Variants in LRFN5 observed in about 807,000 individuals in gnomAD.
LRFN5 encodes leucine rich repeat and fibronectin type III domain containing 5.
LRFN5 carries 24 observed loss-of-function variants against 45.6 expected under a neutral mutation model. That is an observed-to-expected ratio of 0.53 (90% CI 0.38 to 0.74). The LOEUF (loss-of-function observed/expected upper bound fraction) is 0.74, where lower values mean the gene tolerates loss of function less well. LRFN5 is among the 30% of genes least tolerant of loss of function. LRFN5 has a pLI of 0.00. For synonymous variants in LRFN5, 340 were observed against 313.8 expected (o/e 1.08, Z -0.88); for missense variants, 776 against 861.5 (o/e 0.90, Z 1.24).
rs143727097 is a variant in LRFN5 at position 41,783,821 on chromosome 14, C to A, written c.-21+16792C>A. 2.7e-3 allele frequency among the ~76,000 whole-genome samples: 410 copies of A among 152,054 alleles called. 5 individuals are homozygous for A. The highest frequency in any genetic ancestry group is 9.6e-3 in the African/African-American group (399 of 41,494). On this transcript the variant is annotated intron_variant, in intron 2 of 5. Transcript: ENST00000298119. ...TATCATGTATTACTCTGAAGATTAG[C>A]GTTTTAGTTTCATAATGGTGATTTT...
At chr14:41,689,863 T>C (rs1308573767) in intron 1 of LRFN5, among the ~76,000 whole-genome samples, 1 of 126,122 alleles carries the variant, frequency 7.9e-6, no homozygotes, top group Non-Finnish European at 1.6e-5. Flanking sequence ...CCACTGCACT[T>C]CCACCTGGGC....
At chr14:41,888,959 A>G (rs1890676532) in intron 3 of LRFN5, among the ~76,000 whole-genome samples, 1 of 151,324 alleles carries the variant, frequency 6.6e-6, no homozygotes, top group South Asian at 2.1e-4. Flanking sequence ...TTTTATATAT[A>G]TATATACACA....
At chr14:41,878,532 T>A (rs1048820756) in intron 2 of LRFN5, among the ~76,000 whole-genome samples, 5 of 152,172 alleles carry the variant, frequency 3.3e-5, no homozygotes, top group African/African-American at 1.2e-4. Flanking sequence ...GATGTAGTAA[T>A]GGAAAATCAT....
intron 1 of LRFN5, among the ~76,000 whole-genome samples, chr14:41,742,249 A>T (rs1197860267): frequency 2.0e-5 from 3 of 151,666 alleles, no homozygotes; most frequent in Non-Finnish European, 4.4e-5. Flanking sequence ...AGTAGCCAAG[A>T]TATAGAAGCA....
intron 3 of LRFN5, among the ~76,000 whole-genome samples, chr14:41,890,138 A>G (rs572804697): frequency 6.6e-6 from 1 of 151,956 alleles, no homozygotes; most frequent in African/African-American, 2.4e-5. Context: ...TGCTGGGATT[A>G]CAGGCATGAG....
chr14:41,717,866 G>A (rs927956168), intron 1 of LRFN5, among the ~76,000 whole-genome samples: 13 of 152,172 alleles, frequency 8.5e-5, no homozygotes, highest in Admixed American at 7.9e-4. Flanking sequence ...TTTAGAAAAG[G>A]GTGGTAGGCC....
chr14:41,636,551 A>G (rs933625994), intron 1 of LRFN5, among the ~76,000 whole-genome samples: 1 of 151,998 alleles, frequency 6.6e-6, no homozygotes, highest in Admixed American at 6.6e-5. Flanking sequence ...CCAACATGGC[A>G]CATGTATACA....
intron 1 of LRFN5, among the ~76,000 whole-genome samples, chr14:41,761,326 T>C (rs1298736769): frequency 6.7e-6 from 1 of 148,680 alleles, no homozygotes; most frequent in Non-Finnish European, 1.5e-5. Context: ...AAATGGGGGA[T>C]ACAGGAAAAA....
At chr14:41,739,246 A>G (rs922593848) in intron 1 of LRFN5, among the ~76,000 whole-genome samples, 2 of 152,098 alleles carry the variant, frequency 1.3e-5, no homozygotes, top group Non-Finnish European at 1.5e-5. Flanking sequence ...TAAGCCAGGC[A>G]TGGTGGCATG....
At chr14:41,749,302 C>G (rs1885037778) in intron 1 of LRFN5, among the ~76,000 whole-genome samples, 1 of 152,030 alleles carries the variant, frequency 6.6e-6, no homozygotes, top group African/African-American at 2.4e-5. Context: ...ATTTATAAAG[C>G]TATTGTATTA....
chr14:41,861,376 C>T (rs1033215196), intron 2 of LRFN5, among the ~76,000 whole-genome samples: 4 of 152,156 alleles, frequency 2.6e-5, no homozygotes, highest in Non-Finnish European at 5.9e-5. Flanking sequence ...TTCCCTACTA[C>T]TTGTTTATAT....
At chr14:41,680,421 G>A (rs1881833574) in intron 1 of LRFN5, among the ~76,000 whole-genome samples, 1 of 152,188 alleles carries the variant, frequency 6.6e-6, no homozygotes, top group African/African-American at 2.4e-5. Context: ...GAGACACACA[G>A]AGAGAATGTG....
chr14:41,897,336 T>A (rs988805), intron 4 of LRFN5, among the ~76,000 whole-genome samples: 103,352 of 151,400 alleles, frequency 0.68, 35,387 homozygotes, highest in Middle Eastern at 0.79. Context: ...ATCACTGATT[T>A]CTCTGGTAAG....
chr14:41,674,846 C>G (rs542610642), intron 1 of LRFN5, among the ~76,000 whole-genome samples: 4 of 150,242 alleles, frequency 2.7e-5, no homozygotes, highest in East Asian at 2.0e-4. Context: ...ACTTCTCAGA[C>G]GGGGCGGTTG....
intron 1 of LRFN5, among the ~76,000 whole-genome samples, chr14:41,747,760 A>T (rs1483754074): frequency 2.0e-5 from 3 of 152,040 alleles, no homozygotes; most frequent in Non-Finnish European, 4.4e-5. Flanking sequence ...TTTGGAAATT[A>T]TATATATGAC....
chr14:41,737,254 A>C (rs1416200394), intron 1 of LRFN5, among the ~76,000 whole-genome samples: 1 of 152,216 alleles, frequency 6.6e-6, no homozygotes, highest in Non-Finnish European at 1.5e-5. Flanking sequence ...CAAAAAACAC[A>C]TGATTATCTC....
intron 2 of LRFN5, among the ~76,000 whole-genome samples, chr14:41,768,735 CTGGCAAGACTTTTTCTAGATA>C (rs1290846738): frequency 2.6e-5 from 4 of 152,052 alleles, no homozygotes; most frequent in African/African-American, 9.7e-5. Flanking sequence ...TTGTTTTCCA[CTGGCAAGACTTTTTCTAGATA>C]AAAGCATTTA....
At chr14:41,647,444 C>T (rs897510654) in intron 1 of LRFN5, among the ~76,000 whole-genome samples, 1 of 151,958 alleles carries the variant, frequency 6.6e-6, no homozygotes, top group African/African-American at 2.4e-5. Context: ...GATAGCAGTA[C>T]GTAGTAGGTG....
At chr14:41,759,611 T>G (rs1031937864) in intron 1 of LRFN5, among the ~76,000 whole-genome samples, 2 of 152,054 alleles carry the variant, frequency 1.3e-5, no homozygotes, top group Non-Finnish European at 2.9e-5. Context: ...GGAGTGCACT[T>G]AGTAGTTGGT....
Sources: gnomAD v4.1 joint callset for allele counts (sites outside exome capture counted in the v4.1 genomes callset) on GRCh38, gnomAD v4.1.1 for gene constraint, MANE v1.5 for transcripts, NCBI Gene and HGNC (gene_info 2026-07-23, HGNC 2026-07-21) for gene names.